The following MPP7 variants were observed in gnomAD, a reference collection of about 807,000 sequenced individuals.
MPP7 encodes the protein MAGUK p55 subfamily member 7.
Under a neutral mutation model 76.5 loss-of-function variants are expected in MPP7, and 60 were observed. The observed-to-expected ratio is 0.78, with a 90% CI of 0.64 to 0.97. The LOEUF is 0.97. Among genes scored for constraint, MPP7 ranks in the 50% least tolerant of loss-of-function variants. The pLI is 0.00. For synonymous variants in MPP7, 237 were observed against 244.5 expected (o/e 0.97, Z 0.29); for missense variants, 641 against 694.0 (o/e 0.92, Z 0.86).
intron 11 of MPP7, among the ~76,000 whole-genome samples, chr10:28,100,645 G>A (rs1030960572): frequency 6.6e-6 from 1 of 152,134 alleles, no homozygotes; most frequent in African/African-American, 2.4e-5. Context: ...CAATGTTGCA[G>A]GTTCAAAGTT....
chr10:28,221,444 G>C (rs1838503231), intron 2 of MPP7, among the ~76,000 whole-genome samples: 2 of 152,106 alleles, frequency 1.3e-5, no homozygotes, highest in Admixed American at 6.6e-5. Flanking sequence ...GATGCATAAA[G>C]AACTGAATAC....
chr10:28,095,932 C>G (rs937724543), intron 11 of MPP7, among the ~76,000 whole-genome samples: 5 of 152,134 alleles, frequency 3.3e-5, no homozygotes, highest in Admixed American at 3.3e-4. Flanking sequence ...TTGAAAGGAA[C>G]GGCACGTTTA....
At chr10:28,145,232 G>A (rs2133750701) in intron 5 of MPP7, among the ~76,000 whole-genome samples, 1 of 152,242 alleles carries the variant, frequency 6.6e-6, no homozygotes, top group East Asian at 1.9e-4. Flanking sequence ...TCTTTTTAAA[G>A]TTCTATTACT....
intron 3 of MPP7, among the ~76,000 whole-genome samples, chr10:28,170,107 A>C (rs531301275): frequency 8.5e-5 from 13 of 152,126 alleles, no homozygotes; most frequent in Non-Finnish European, 1.8e-4. Flanking sequence ...ATTATCTAAG[A>C]GTATTTTTCT....
chr10:28,071,861 A>G lies in MPP7; in HGVS notation c.1124-2009T>C, dbSNP rs944896119. Among the ~76,000 whole-genome samples, 4 of 152,162 alleles carry G rather than the reference A, an allele frequency of 2.6e-5. No individual in the cohort carries two copies. In the South Asian group the frequency reaches 8.3e-4, roughly 32 times the overall value. On this transcript the variant is annotated intron_variant, in intron 12 of 16. Coordinates refer to ENST00000683449, the MANE Select transcript of MPP7 (RefSeq NM_001318170.2). ...TCCAGGAATAAGAACTAGCATTTGG[A>G]TAGAAACCACAGATCAGACTTCCTT...
chr10:28,121,494 GA>G (rs1374608556), intron 8 of MPP7, among the ~76,000 whole-genome samples: 5 of 151,986 alleles, frequency 3.3e-5, no homozygotes, highest in Non-Finnish European at 7.4e-5. Context: ...ATTGAAAGAT[GA>G]AAAGACTGAG....
At chr10:28,141,125 C>T (rs1424548491) in intron 5 of MPP7, among the ~76,000 whole-genome samples, 1 of 151,920 alleles carries the variant, frequency 6.6e-6, no homozygotes, top group Non-Finnish European at 1.5e-5. Flanking sequence ...TTTATGCTAA[C>T]AACTAAAAAA....
intron 1 of MPP7, among the ~76,000 whole-genome samples, chr10:28,270,704 A>G (rs897425798): frequency 6.6e-6 from 1 of 152,220 alleles, no homozygotes; most frequent in African/African-American, 2.4e-5. Flanking sequence ...AATATTTATC[A>G]TTAAAAATGC....
In MPP7 at chr10:28,125,060, C is replaced by A. The variant is rs2133641959; in HGVS notation, c.479G>T (p.Gly160Val). 6.2e-7 allele frequency: 1 copy of A among 1,614,026 alleles called. No homozygotes were observed. Among genetic ancestry groups the A allele is most frequent in the Non-Finnish European group, 8.5e-7 (1 of 1,179,974 alleles). ...GATIKKDEQT[G>V]AIIVARIMRG... ...CATGATTCTGGCCACAATGATCGCC[C>A]CGGTCTGTTCATCCTTCTTAATGGT... Residue 160 changes from glycine to valine, a missense_variant, in exon 7 of 17, where the codon GGG (glycine) becomes GTG (valine). Gly to Val is a moderately radical substitution (Grantham distance 109). Coordinates refer to ENST00000683449, the MANE Select transcript of MPP7 (RefSeq NM_001318170.2).
At chr10:28,159,394 A>G (rs1233840594) in intron 3 of MPP7, among the ~76,000 whole-genome samples, 1 of 152,244 alleles carries the variant, frequency 6.6e-6, no homozygotes, top group Non-Finnish European at 1.5e-5. Flanking sequence ...AAATTTATTC[A>G]CTTAAAATAA....
chr10:28,209,301 CA>C (rs1051110272), intron 2 of MPP7, among the ~76,000 whole-genome samples: 1 of 151,218 alleles, frequency 6.6e-6, no homozygotes, highest in African/African-American at 2.4e-5. Context: ...CCATCACTAC[CA>C]AAAAAAAATT....
chr10:28,161,325 A>G (rs1455796503), intron 3 of MPP7, among the ~76,000 whole-genome samples: 1 of 152,128 alleles, frequency 6.6e-6, no homozygotes, highest in African/African-American at 2.4e-5. Flanking sequence ...AGCATGTCCA[A>G]AAAACAGCGT....
chr10:28,127,225 A>G (rs1001553116), intron 6 of MPP7, among the ~76,000 whole-genome samples: 5 of 152,222 alleles, frequency 3.3e-5, no homozygotes, highest in African/African-American at 4.8e-5. Context: ...TCTGTATTCA[A>G]TGAAGTTGAC....
chr10:28,087,568 A>C (rs951589051), intron 12 of MPP7, among the ~76,000 whole-genome samples: 2 of 151,956 alleles, frequency 1.3e-5, no homozygotes, highest in Admixed American at 1.3e-4. Flanking sequence ...ACTAATTTTT[A>C]TACTATTAGT....
chr10:28,127,607 C>T (rs1835059503), intron 6 of MPP7, among the ~76,000 whole-genome samples: 1 of 152,148 alleles, frequency 6.6e-6, no homozygotes, highest in African/African-American at 2.4e-5. Flanking sequence ...CATCAGATCT[C>T]GTGAGACTTA....
In MPP7 at chr10:28,310,817, C is replaced by T. The variant is rs187773136; in HGVS notation, c.-132+19112G>A. Among the ~76,000 whole-genome samples the T allele has an allele frequency of 3.7e-4, 56 of 152,288 alleles. 1 individual carries two copies. The highest frequency in any genetic ancestry group is 6.8e-3 in the Middle Eastern group (2 of 294). On this transcript the variant is annotated intron_variant, in intron 2 of 11. Coordinates refer to the MPP7 transcript ENST00000441595. ...CTTTACCCTGCACTGATCTGATAGA[C>T]TCATTGGAATTCTAAGTCTATAAGT...
At chr10:28,147,444 T>C (rs1197796600) in intron 5 of MPP7, 39 bp downstream of exon 5, 3 of 1,521,240 alleles carry the variant, frequency 2.0e-6, no homozygotes, top group Non-Finnish European at 2.7e-6. Flanking sequence ...AAAGTGGCCC[T>C]GTTTGAAGGT....
chr10:28,183,078 C>G (rs1837111642), intron 3 of MPP7, among the ~76,000 whole-genome samples: 1 of 152,068 alleles, frequency 6.6e-6, no homozygotes, highest in South Asian at 2.1e-4. Context: ...AACGCCATCT[C>G]AAACAAACAA....
Position 28,077,726 on chromosome 10 carries a change from T to C in MPP7, c.1124-7874A>G, listed in dbSNP as rs544441735. On this transcript the variant is annotated intron_variant, in intron 12 of 16. Coordinates refer to ENST00000683449, the MANE Select transcript of MPP7 (RefSeq NM_001318170.2). ...TTCGATAAAGAAATTTTTATCACAATTGGTGAAATACACTTACACGGGCAC... is the reference window on the plus strand; with the variant it reads ...TTCGATAAAGAAATTTTTATCACAACTGGTGAAATACACTTACACGGGCAC... 2.0e-5 allele frequency among the ~76,000 whole-genome samples: 3 copies of C among 152,354 alleles called. No homozygotes were observed. In the South Asian group the frequency reaches 6.2e-4, roughly 32 times the overall value.
Sources: allele counts gnomAD v4.1 joint callset (sites outside exome capture counted in the v4.1 genomes callset), GRCh38; gene constraint gnomAD v4.1.1; transcripts MANE v1.5; gene names NCBI Gene and HGNC (gene_info 2026-07-23, HGNC 2026-07-21).